Variants in SIL1 observed in about 807,000 individuals in gnomAD.
SIL1 encodes the protein SIL1 nucleotide exchange factor.
In SIL1, 40 loss-of-function variants were observed where a neutral mutation model predicts 49.1. The ratio of observed to expected loss-of-function variants is 0.81; its 90% CI spans 0.63 to 1.06. The LOEUF (loss-of-function observed/expected upper bound fraction) is 1.06. SIL1 is among the 50% of genes least tolerant of loss of function. SIL1 has a pLI of 0.00. For missense variants in SIL1, 500 were observed against 572.6 expected, an observed-to-expected ratio of 0.87 and a Z score of 1.29; for synonymous variants, 253 against 250.8, an observed-to-expected ratio of 1.01 and a Z score of -0.08.
At chr5:139,019,099 T>C (rs1051734687) in intron 7 of SIL1, among the ~76,000 whole-genome samples, 2 of 152,234 alleles carry the variant, frequency 1.3e-5, no homozygotes, top group African/African-American at 4.8e-5. Context: ...TAGGACTCCA[T>C]GATTCCAGAG....
At chr5:139,161,721 G>T (rs1352635016) in intron 1 of SIL1, among the ~76,000 whole-genome samples, 1 of 151,952 alleles carries the variant, frequency 6.6e-6, no homozygotes, top group African/African-American at 2.4e-5. Flanking sequence ...GAAAAGCAAA[G>T]AATTAGAATT....
intron 8 of SIL1, 45 bp from the exon 9 acceptor site, chr5:138,951,380 G>A: frequency 6.5e-7 from 1 of 1,545,666 alleles, no homozygotes; most frequent in Non-Finnish European, 8.7e-7. Context: ...AAGCGAGCTG[G>A]ACCTGCCCTG....
chr5:139,012,207 C>G (rs941607902), intron 7 of SIL1: 1 of 152,280 alleles, frequency 6.6e-6, no homozygotes, highest in Non-Finnish European at 1.5e-5. Flanking sequence ...AACATACCAC[C>G]AGACCCAGCT....
chr5:139,088,897 C>T (rs1422536859), intron 3 of SIL1, among the ~76,000 whole-genome samples: 1 of 152,206 alleles, frequency 6.6e-6, no homozygotes, highest in East Asian at 1.9e-4. Context: ...AGTTTGACTG[C>T]TTCCTCTGCC....
intron 5 of SIL1, among the ~76,000 whole-genome samples, chr5:139,028,705 T>C (rs11957633): frequency 0.26 from 39,527 of 152,112 alleles, 6,053 homozygotes; most frequent in Middle Eastern, 0.4. Flanking sequence ...ACAGGTACCA[T>C]ACTGTTAACT....
At chr5:139,111,670 C>G (rs997991881) in intron 3 of SIL1, among the ~76,000 whole-genome samples, 7 of 152,182 alleles carry the variant, frequency 4.6e-5, no homozygotes, top group Admixed American at 4.6e-4. Context: ...TTTGATATGG[C>G]TATCGCTAAC....
intron 7 of SIL1, among the ~76,000 whole-genome samples, chr5:138,972,027 G>T (rs939765510): frequency 6.6e-6 from 1 of 152,166 alleles, no homozygotes; most frequent in Non-Finnish European, 1.5e-5. Context: ...CCCTCCAAAA[G>T]CCCAGAATGA....
At chr5:138,999,085 G>C (rs1767933979) in intron 7 of SIL1, among the ~76,000 whole-genome samples, 1 of 151,884 alleles carries the variant, frequency 6.6e-6, no homozygotes, top group Non-Finnish European at 1.5e-5. Context: ...TCAAACTCCT[G>C]GCCTCAGGTG....
rs967558003 is a variant in SIL1, at chr5:138,948,412, G to A, written c.1030-939C>T. Among the ~76,000 whole-genome samples, 2 of 152,084 alleles carry A rather than the reference G, an allele frequency of 1.3e-5. No homozygotes were observed. Among genetic ancestry groups the A allele is most frequent in the Admixed American group, 6.5e-5 (1 of 15,272 alleles). On this transcript the variant is annotated intron_variant, in intron 9 of 9. Transcript: ENST00000394817. This position sits in a 1 kb window ranked among gnomAD's most constrained non-coding sequence, Gnocchi z 4.8. ...TCCACCTTTGTCCCTTGTGTCCTGC[G>A]ATCCAGTGCCTCCTGCTCTCACCCT...
intron 7 of SIL1, among the ~76,000 whole-genome samples, chr5:138,963,124 A>G (rs1201426391): frequency 5.3e-5 from 8 of 152,224 alleles, no homozygotes; most frequent in African/African-American, 1.7e-4. Context: ...TTGGTGGTAT[A>G]ACTATCCCCA....
intron 5 of SIL1, chr5:139,034,448 T>G (rs1768859163): frequency 6.6e-6 from 1 of 152,124 alleles, no homozygotes; most frequent in Admixed American, 6.5e-5. Flanking sequence ...CCAAGGTACA[T>G]TTTATATAAT....
intron 3 of SIL1, among the ~76,000 whole-genome samples, chr5:139,103,198 A>T (rs1770630646): frequency 6.6e-6 from 1 of 152,070 alleles, no homozygotes; most frequent in Non-Finnish European, 1.5e-5. Flanking sequence ...GTACCGCTCC[A>T]CCCTATTCTA....
At chr5:138,955,102 G>A (rs575709983) in intron 7 of SIL1, among the ~76,000 whole-genome samples, 11 of 152,308 alleles carry the variant, frequency 7.2e-5, no homozygotes, top group African/African-American at 2.4e-4. Flanking sequence ...ACCCCTGGAG[G>A]GACCAGTCCT....
chr5:138,979,085 G>C (rs1051109658), intron 7 of SIL1, among the ~76,000 whole-genome samples: 3 of 146,376 alleles, frequency 2.0e-5, no homozygotes, highest in Non-Finnish European at 3.0e-5. Context: ...TTTTTTTTTT[G>C]AGAAGGAGTC....
intron 2 of SIL1, among the ~76,000 whole-genome samples, chr5:139,125,054 C>A (rs78664894): frequency 2.6e-5 from 4 of 152,212 alleles, no homozygotes; most frequent in Admixed American, 6.5e-5. Flanking sequence ...CAGCACATGC[C>A]CTTCCTCGGC....
intron 7 of SIL1, among the ~76,000 whole-genome samples, chr5:138,971,814 C>T (rs1279217561): frequency 6.6e-6 from 1 of 152,232 alleles, no homozygotes; most frequent in African/African-American, 2.4e-5. Flanking sequence ...AAAGGGCTCA[C>T]AGTGGGGCTC....
At chr5:139,134,425 G>A (rs1337721686) in intron 1 of SIL1, among the ~76,000 whole-genome samples, 2 of 152,030 alleles carry the variant, frequency 1.3e-5, no homozygotes, top group Non-Finnish European at 2.9e-5. Context: ...CCTGAGCCTC[G>A]GTGCCCGGCC....
intron 1 of SIL1, among the ~76,000 whole-genome samples, chr5:139,178,570 T>G (rs1751927279): frequency 6.6e-6 from 1 of 151,996 alleles, no homozygotes; most frequent in South Asian, 2.1e-4. Context: ...CCTTTGCAAA[T>G]CCAGGCCCTC....
At position 139,095,875 on chromosome 5, in the gene SIL1, G is replaced by T. The variant is rs1770451634; in HGVS notation, c.244+25160C>A. Among the ~76,000 whole-genome samples, 3 of 151,980 alleles carry T rather than the reference G, an allele frequency of 2.0e-5. No individual in the cohort carries two copies. The South Asian group carries it at 6.2e-4, about 32-fold the overall frequency. ...TTAAAGAAAGAAAGATTTAACTTTT[G>T]AGAAGACACAGAACAAGATGGTGGA... On this transcript the variant is annotated intron_variant, in intron 3 of 9. Coordinates refer to ENST00000394817, the MANE Select transcript of SIL1 (RefSeq NM_022464.5).
Sources: gnomAD v4.1 joint callset for allele counts (sites outside exome capture counted in the v4.1 genomes callset) on GRCh38, gnomAD v4.1.1 for gene constraint, Gnocchi (gnomAD v3.1) non-coding constraint, MANE v1.5 for transcripts, NCBI Gene and HGNC (gene_info 2026-07-23, HGNC 2026-07-21) for gene names.